Variants in CCDC60 observed in about 807,000 individuals in gnomAD.
CCDC60 encodes coiled-coil domain-containing protein 60.
In CCDC60, 54 loss-of-function variants were observed where a neutral mutation model predicts 63.5. That is an observed-to-expected ratio of 0.85 (90% CI 0.68 to 1.07). The LOEUF (loss-of-function observed/expected upper bound fraction) is 1.07, where lower values mean the gene tolerates loss of function less well. CCDC60 is among the 50% of genes least tolerant of loss of function. The pLI is 0.00. For synonymous variants in CCDC60, 206 were observed against 238.8 expected (o/e 0.86, Z 1.27); for missense variants, 651 against 684.3 (o/e 0.95, Z 0.54).
intron 2 of CCDC60, among the ~76,000 whole-genome samples, chr12:119,467,047 C>T (rs184888929): frequency 7.2e-5 from 11 of 152,312 alleles, no homozygotes; most frequent in East Asian, 1.9e-4. Flanking sequence ...CATAAACTAC[C>T]GCTTATTCTA....
intron 9 of CCDC60, among the ~76,000 whole-genome samples, chr12:119,522,719 A>G (rs1952561446): frequency 6.6e-6 from 1 of 152,218 alleles, no homozygotes; most frequent in Non-Finnish European, 1.5e-5. Context: ...GGATTTAAAT[A>G]GGTAGAAAAG....
intron 1 of CCDC60, among the ~76,000 whole-genome samples, chr12:119,362,384 C>T (rs1251251050): frequency 1.3e-5 from 2 of 152,108 alleles, no homozygotes; most frequent in Non-Finnish European, 2.9e-5. Flanking sequence ...CTCTTCCTAT[C>T]AATACTGCAC....
chr12:119,400,956 A>C (rs1407458210), intron 1 of CCDC60, among the ~76,000 whole-genome samples: 1 of 152,214 alleles, frequency 6.6e-6, no homozygotes, highest in Non-Finnish European at 1.5e-5. Context: ...TTCTGTGGGC[A>C]ATTCACTCTG....
At chr12:119,505,579 G>C (rs932703267) in intron 7 of CCDC60, among the ~76,000 whole-genome samples, 5 of 152,218 alleles carry the variant, frequency 3.3e-5, no homozygotes, top group African/African-American at 1.2e-4. Flanking sequence ...ATTTAGGCTG[G>C]GCACTGTGGC....
intron 1 of CCDC60, among the ~76,000 whole-genome samples, chr12:119,342,848 T>C (rs1955546263): frequency 6.6e-6 from 1 of 152,240 alleles, no homozygotes; most frequent in South Asian, 2.1e-4. Flanking sequence ...TCTTTATTCC[T>C]GTGACCCCCA....
intron 8 of CCDC60, among the ~76,000 whole-genome samples, chr12:119,518,025 T>G (rs1218060665): frequency 6.6e-6 from 1 of 152,206 alleles, no homozygotes; most frequent in African/African-American, 2.4e-5. Flanking sequence ...TATTGGTTAT[T>G]GTTATTACCA....
intron 3 of CCDC60, among the ~76,000 whole-genome samples, chr12:119,476,545 C>A (rs1951181851): frequency 6.6e-6 from 1 of 152,176 alleles, no homozygotes; most frequent in Non-Finnish European, 1.5e-5. Flanking sequence ...AGGTAAACCC[C>A]TAACGTGTGT....
intron 2 of CCDC60, among the ~76,000 whole-genome samples, chr12:119,443,449 G>A (rs1777151769): frequency 6.6e-6 from 1 of 152,174 alleles, no homozygotes; most frequent in Admixed American, 6.5e-5. Context: ...CAGAACACCT[G>A]TATAGTTCTC....
intron 2 of CCDC60, among the ~76,000 whole-genome samples, chr12:119,429,379 C>G (rs574684990): frequency 6.6e-6 from 1 of 152,152 alleles, no homozygotes; most frequent in East Asian, 1.9e-4. Context: ...ATTTTTTTCC[C>G]TTACCCCTTA....
chr12:119,385,086 G>A (rs957121677), intron 1 of CCDC60, among the ~76,000 whole-genome samples: 7 of 152,212 alleles, frequency 4.6e-5, no homozygotes, highest in Non-Finnish European at 1.0e-4. Context: ...GTGTTATAGA[G>A]CTATGGGCTT....
chr12:119,529,308 A>G (rs957010410), intron 12 of CCDC60, among the ~76,000 whole-genome samples: 2 of 152,120 alleles, frequency 1.3e-5, no homozygotes, highest in African/African-American at 2.4e-5. Flanking sequence ...ATCCTGAAAG[A>G]TACATATTAA....
At chr12:119,446,191 C>T (rs1389265233) in intron 2 of CCDC60, among the ~76,000 whole-genome samples, 1 of 152,128 alleles carries the variant, frequency 6.6e-6, no homozygotes, top group African/African-American at 2.4e-5. Context: ...CATAGGAGTC[C>T]ATTAAATAAA....
At chr12:119,338,281 G>A (rs1167966035) in intron 1 of CCDC60, among the ~76,000 whole-genome samples, 1 of 152,152 alleles carries the variant, frequency 6.6e-6, no homozygotes. Context: ...CAGGATTGAT[G>A]TCTGGGGTAA....
At chr12:119,522,863 G>A (rs1952565546) in intron 9 of CCDC60, 76 bp from the exon 10 acceptor site, 1 of 1,275,148 alleles carries the variant, frequency 7.8e-7, no homozygotes, top group Non-Finnish European at 1.1e-6. Context: ...GCTAGCAGGT[G>A]CCATGGAGCA....
At chr12:119,493,992 C>CA (rs1030616973) in intron 5 of CCDC60, among the ~76,000 whole-genome samples, 21 of 152,050 alleles carry the variant, frequency 1.4e-4, no homozygotes, top group African/African-American at 5.1e-4. Flanking sequence ...TAACAAAGGT[C>CA]AAAAAAAGGC....
intron 2 of CCDC60, among the ~76,000 whole-genome samples, chr12:119,442,025 G>A (rs1047579589): frequency 3.1e-4 from 47 of 151,910 alleles, no homozygotes; most frequent in Middle Eastern, 3.2e-3. Context: ...ATCTAGAAAA[G>A]CTAGAAAATA....
chr12:119,412,824 C>G (rs897881961), intron 1 of CCDC60, among the ~76,000 whole-genome samples: 1 of 135,688 alleles, frequency 7.4e-6, no homozygotes, highest in Non-Finnish European at 1.5e-5. Flanking sequence ...CTGTTCCTTA[C>G]TGGGTCTGTG....
chr12:119,394,043 T>C (rs1193740087), intron 1 of CCDC60, among the ~76,000 whole-genome samples: 2 of 152,190 alleles, frequency 1.3e-5, no homozygotes, highest in African/African-American at 4.8e-5. Context: ...CAGAAAATAT[T>C]TGTGGAACTA....
intron 1 of CCDC60, among the ~76,000 whole-genome samples, chr12:119,361,953 G>T (rs76934559): frequency 3.8e-4 from 58 of 152,270 alleles, no homozygotes; most frequent in African/African-American, 1.4e-3. Context: ...AATGAGTATG[G>T]CCATATAATT....
Sources: allele counts gnomAD v4.1 joint callset (sites outside exome capture counted in the v4.1 genomes callset), GRCh38; gene constraint gnomAD v4.1.1; transcripts MANE v1.5; gene names NCBI Gene and HGNC (gene_info 2026-07-23, HGNC 2026-07-21).